The following DGAT1 variants were observed in gnomAD, a reference collection of about 807,000 sequenced individuals.
DGAT1 encodes ACAT related gene product 1.
In DGAT1, 60 loss-of-function variants were observed where a neutral mutation model predicts 72.6. The ratio of observed to expected loss-of-function variants is 0.83; its 90% CI spans 0.67 to 1.02. The LOEUF is 1.02. DGAT1 is among the 50% of genes least tolerant of loss of function. The pLI is 0.00. For missense variants in DGAT1, 592 were observed against 670.0 expected, an observed-to-expected ratio of 0.88 and a Z score of 1.29; for synonymous variants, 290 against 267.5, an observed-to-expected ratio of 1.08 and a Z score of -0.82.
Position 144,317,905 on chromosome 8 carries a change from C to T in DGAT1, c.855+9G>A, listed in dbSNP as rs939644432. The T allele has an allele frequency of 2.0e-6, 3 of 1,529,268 alleles. No homozygotes were observed. The East Asian group carries it at 6.8e-5, about 35-fold the overall frequency. The allele number at this position is 1,529,268 out of a possible 1,614,324, so 94.7% of individuals were successfully genotyped here. On this transcript the variant is annotated intron_variant, in intron 9 of 16. Coordinates refer to ENST00000528718, the MANE Select transcript of DGAT1 (RefSeq NM_012079.6). ...GCCTCCAGTGGCTGCCCCCAGCCCC[C>T]AACCTCACCATCTCAAGGATCCGTC...
rs1254033214 is a variant in DGAT1, at chr8:144,326,512, G to T, written c.125C>A (p.Ala42Asp). ...GGCCGGGGCTGGCGCGTCCCCCGCG[G>T]CTCCCACGTCGGGGCCCGCAGCGGC... ...RDAAAGPDVG[A>D]AGDAPAPAPN... is the part of the protein sequence containing the mutation. Residue 42 changes from alanine (A) to aspartate (D), a missense_variant, in exon 1 of 17, where the codon GCC (alanine) becomes GAC (aspartate). Coordinates refer to ENST00000528718, the MANE Select transcript of DGAT1 (RefSeq NM_012079.6). 5 of 1,274,644 alleles carry T rather than the reference G, an allele frequency of 3.9e-6. No individual in the cohort carries two copies. In the African/African-American group the frequency reaches 4.7e-5, roughly 12 times the overall value. 79.0% of individuals were successfully genotyped at this position (1,274,644 alleles called of 1,614,324 possible).
At position 144,320,024 on chromosome 8, in the gene DGAT1, C is replaced by G. The variant is rs568861387; in HGVS notation, c.289-956G>C. Reference sequence around the variant, plus strand: ...TGCCCCGCCTCCCCCGGCCGCAGGGCTGACACACAGGCCTTCTGCATGGAC... The same window carrying G: ...TGCCCCGCCTCCCCCGGCCGCAGGGGTGACACACAGGCCTTCTGCATGGAC... On this transcript the variant is annotated intron_variant, in intron 2 of 16. Coordinates refer to ENST00000528718, the MANE Select transcript of DGAT1 (RefSeq NM_012079.6). Among the ~76,000 whole-genome samples the G allele has an allele frequency of 1.4e-4, 22 of 152,358 alleles. No individual in the cohort carries two copies. The South Asian group carries it at 4.6e-3, about 32-fold the overall frequency.
chr8:144,317,383 G>T lies in DGAT1; in HGVS notation c.1044C>A (p.Ala348=), dbSNP rs375248945. The T allele has an allele frequency of 6.2e-7, 1 of 1,613,712 alleles. No homozygotes were observed. The highest frequency in any genetic ancestry group is 1.1e-5 in the South Asian group (1 of 91,074). Residue 348 remains alanine (A), a synonymous_variant, in exon 13 of 17, where the codon GCC becomes GCA. Transcript: ENST00000528718. ...FYWLFHSCLN[A]VAELMQFGDR... ...CTCCAAACTGCATGAGCTCAGCCAC[G>T]GCATTCAGGCAGGAGTGGAAGAGCC...
chr8:144,326,589 G>A lies in DGAT1; in HGVS notation c.48C>T (p.Pro16=). ...CAGGCCCGCCGCCGCCGTGGCTCGA[G>A]GGCCGCGACCCTGTCCTCCGGCGCC... ...SSRRRRTGSR[P]SSHGGGGPAA... The change falls in exon 1 of 17, where the codon CCC becomes CCT. Residue 16 remains proline (P), a synonymous_variant. Transcript: ENST00000528718. The A allele has an allele frequency of 8.1e-7, 1 of 1,239,602 alleles. No homozygotes were observed. The highest frequency in any genetic ancestry group is 1.0e-6 in the Non-Finnish European group (1 of 991,540). The allele number at this position is 1,239,602 out of a possible 1,614,324, so 76.8% of individuals were successfully genotyped here.
In DGAT1 at chr8:144,318,553, T is replaced by A; in HGVS notation, c.482A>T (p.Glu161Val). 1.2e-6 allele frequency: 2 copies of A among 1,612,164 alleles called. No homozygotes were observed. The highest frequency in any genetic ancestry group is 1.7e-6 in the Non-Finnish European group (2 of 1,179,866). Residue 161 changes from glutamate (E) to valine (V), a missense_variant, in exon 6 of 17, where the codon GAG (glutamate) becomes GTG (valine). Physicochemically the swap from Glu to Val is moderately radical, Grantham distance 121. Coordinates refer to ENST00000528718, the MANE Select transcript of DGAT1 (RefSeq NM_012079.6). ...CACGTGCAGCAGCAGTCCCGCCTGC[T>A]CCGTCAGGGCACCCTGGAGTGGGGA... ...EKRLAVGALT[E>V]QAGLLLHVAN...
chr8:144,314,972 C>G lies in DGAT1; in HGVS notation c.*1582G>C, dbSNP rs986463961. 1 of 985,904 alleles carries G rather than the reference C, an allele frequency of 1.0e-6. No homozygotes were observed. The highest frequency in any genetic ancestry group is 1.7e-5 in the African/African-American group (1 of 57,358). The allele number at this position is 985,904 out of a possible 1,614,324, so 61.1% of individuals were successfully genotyped here. On this transcript the variant is annotated 3_prime_UTR_variant, in exon 17 of 17. Coordinates refer to ENST00000528718, the MANE Select transcript of DGAT1 (RefSeq NM_012079.6). Reference sequence around the variant, plus strand: ...TTGTCACAGGACCACCAGGAACCCCCTTCCCAAGGTGTTCGCACTCGGACA... The same window carrying G: ...TTGTCACAGGACCACCAGGAACCCCGTTCCCAAGGTGTTCGCACTCGGACA...
At position 144,317,256 on chromosome 8, in the gene DGAT1, G is replaced by C. The variant is rs782556739; in HGVS notation, c.1095-4C>G. On this transcript the variant is annotated splice_polypyrimidine_tract_variant and splice_region_variant and intron_variant, in intron 13 of 16. Transcript: ENST00000528718. ...GTAGGTGACAGACTCGGAGTTCCTG[G>C]GGGCCAAGAGACCACAGGGGGATCA... 4.3e-6 allele frequency: 7 copies of C among 1,610,524 alleles called. No individual in the cohort carries two copies. Among genetic ancestry groups the C allele is most frequent in the Non-Finnish European group, 8.5e-7 (1 of 1,177,660 alleles).
chr8:144,317,470 C>A, intron 12 of DGAT1, 25 bp from the exon 13 acceptor site: 2 of 1,613,652 alleles, frequency 1.2e-6, no homozygotes, highest in Non-Finnish European at 1.7e-6. Context: ...GGGGTGGGCA[C>A]CAAGTTCTAG....
chr8:144,317,865 C>T lies in DGAT1; in HGVS notation c.856-43G>A, dbSNP rs782431268. ...AGCAGCCAGCTGAGGCCCTGGCTAG[C>T]CAGAAGGCCCCCTAGCCTCCAGTGG... On this transcript the variant is annotated intron_variant, in intron 9 of 16. Transcript: ENST00000528718. 7.6e-6 allele frequency: 12 copies of T among 1,586,388 alleles called. No homozygotes were observed. In the East Asian group the frequency reaches 2.7e-4, roughly 36 times the overall value.
At chr8:144,323,181 G>A (rs2130541006) in intron 1 of DGAT1, among the ~76,000 whole-genome samples, 1 of 152,246 alleles carries the variant, frequency 6.6e-6, no homozygotes, top group East Asian at 1.9e-4. Context: ...TATGACCCCT[G>A]CCCCCTTTGA....
In DGAT1 at chr8:144,317,086, C is replaced by A; in HGVS notation, c.1184G>T (p.Arg395Leu). Residue 395 changes from arginine to leucine, a missense_variant, in exon 15 of 17, where the codon CGA becomes CTA. Arg to Leu is a moderately radical substitution (Grantham distance 102). Coordinates refer to ENST00000528718, the MANE Select transcript of DGAT1 (RefSeq NM_012079.6). ...CIRHFYKPML[R>L]RGSSKWMART... is the part of the protein sequence containing the mutation. The stretch of plus-strand genomic sequence containing the variant: ...GGCCATCCACTTGCTGCTGCCCCGT[C>A]GAAGCATGGGCTTGTAGAAGTGTCT... The A allele has an allele frequency of 6.2e-7, 1 of 1,612,926 alleles. No individual in the cohort carries two copies. The highest frequency in any genetic ancestry group is 1.1e-5 in the South Asian group (1 of 91,066).
intron 2 of DGAT1, among the ~76,000 whole-genome samples, chr8:144,320,811 G>A (rs1049320728): frequency 2.6e-5 from 4 of 152,212 alleles, no homozygotes; most frequent in Non-Finnish European, 4.4e-5. Flanking sequence ...GCAGAGTGGT[G>A]GCCAGGCCTG....
At position 144,315,186 on chromosome 8, in the gene DGAT1, C is replaced by T; in HGVS notation, c.*1368G>A. On this transcript the variant is annotated 3_prime_UTR_variant, in exon 17 of 17. Transcript: ENST00000528718. ...GGCAGCAACAGTTTGTTCTCGAGCT[C>T]CACTGGCCAACTGATAGGGAGAGGC... is the stretch of plus-strand genomic sequence containing the variant. 1.0e-6 allele frequency: 1 copy of T among 985,496 alleles called. No homozygotes were observed. Among genetic ancestry groups the T allele is most frequent in the Non-Finnish European group, 1.2e-6 (1 of 829,968 alleles). The allele number at this position is 985,496 out of a possible 1,614,324, so 61.0% of individuals were successfully genotyped here.
rs1588676864 is a variant in DGAT1, at chr8:144,314,793, C to A, written c.*1761G>T. Reference sequence around the variant, plus strand: ...TGCTGCAATGAGGAGGGGCCCAGGGCACAGAAGGGCCGGGCTGCAGTGGCC... The same window carrying A: ...TGCTGCAATGAGGAGGGGCCCAGGGAACAGAAGGGCCGGGCTGCAGTGGCC... On this transcript the variant is annotated 3_prime_UTR_variant, in exon 17 of 17. Transcript: ENST00000528718. 1 of 542,120 alleles carries A rather than the reference C, an allele frequency of 1.8e-6. No individual in the cohort carries two copies. The highest frequency in any genetic ancestry group is 7.4e-5 in the South Asian group (1 of 13,508). The allele number at this position is 542,120 out of a possible 1,614,324, so 33.6% of individuals were successfully genotyped here.
chr8:144,317,051 C>A lies in DGAT1; in HGVS notation c.1219G>T (p.Val407Leu). The change falls in exon 15 of 17, where the codon GTG becomes TTG. Residue 407 changes from valine (V) to leucine (L), a missense_variant. By Grantham distance (32) the Val-to-Leu change is conservative (BLOSUM62 1). Coordinates refer to ENST00000528718, the MANE Select transcript of DGAT1 (RefSeq NM_012079.6). The stretch of plus-strand genomic sequence containing the variant: ...TGGAAGAAGGCCGAGGCCAGGAACA[C>A]CCCTGTCCTGGCCATCCACTTGCTG... ...GSSKWMARTG[V>L]FLASAFFHEY... 6.2e-7 allele frequency: 1 copy of A among 1,612,716 alleles called. No individual in the cohort carries two copies. Among genetic ancestry groups the A allele is most frequent in the Non-Finnish European group, 8.5e-7 (1 of 1,179,922 alleles).
At chr8:144,322,101 C>A (rs1470587298) in intron 1 of DGAT1, among the ~76,000 whole-genome samples, 1 of 152,206 alleles carries the variant, frequency 6.6e-6, no homozygotes, top group Non-Finnish European at 1.5e-5. Flanking sequence ...CCAACAGAGG[C>A]AGGCACCCAC....
Position 144,323,899 on chromosome 8 carries a change from T to G in DGAT1, c.201-2491A>C, listed in dbSNP as rs191061344. Among the ~76,000 whole-genome samples the G allele has an allele frequency of 1.9e-3, 295 of 152,330 alleles. 1 individual carries two copies. Among genetic ancestry groups the G allele is most frequent in the Middle Eastern group, 0.014 (4 of 294 alleles). ...GAGTCCAGCTCTGCTCACTGCCGCC[T>G]CCTCCACTCTGGCCTCTGGGCTGGG... is the stretch of plus-strand genomic sequence containing the variant. On this transcript the variant is annotated intron_variant, in intron 1 of 16. Coordinates refer to ENST00000528718, the MANE Select transcript of DGAT1 (RefSeq NM_012079.6).
chr8:144,319,217 G>T, intron 2 of DGAT1, 149 bp from the exon 3 acceptor site: 1 of 882,750 alleles, frequency 1.1e-6, no homozygotes, highest in Non-Finnish European at 1.8e-6. Flanking sequence ...TGGTCTCCAT[G>T]CCAAGCTCTG....
Position 144,316,027 on chromosome 8 carries a change from G to T in DGAT1, c.*527C>A. On this transcript the variant is annotated 3_prime_UTR_variant, in exon 17 of 17. Coordinates refer to ENST00000528718, the MANE Select transcript of DGAT1 (RefSeq NM_012079.6). The stretch of plus-strand genomic sequence containing the variant: ...GCAAGTTGACCATCCTGCACTGAGG[G>T]CCAGAGTGCCGATTCCCGCACACCC... 1 of 750,442 alleles carries T rather than the reference G, an allele frequency of 1.3e-6. No individual in the cohort carries two copies. The highest frequency in any genetic ancestry group is 1.6e-6 in the Non-Finnish European group (1 of 613,808). The allele number at this position is 750,442 out of a possible 1,614,324, so 46.5% of individuals were successfully genotyped here. A position where few individuals can be genotyped will look rare whatever the true frequency, so the allele number is the denominator to read the frequency against.
Sources: gnomAD v4.1 joint callset for allele counts (sites outside exome capture counted in the v4.1 genomes callset) on GRCh38, gnomAD v4.1.1 for gene constraint, MANE v1.5 for transcripts, NCBI Gene and HGNC (gene_info 2026-07-23, HGNC 2026-07-21) for gene names.